Variants in MGMT observed in about 807,000 individuals in gnomAD.
The protein encoded by MGMT is O-6-methylguanine-DNA methyltransferase.
In MGMT, 14 loss-of-function variants were observed where a neutral mutation model predicts 15.9. The ratio of observed to expected loss-of-function variants is 0.88; its 90% CI spans 0.58 to 1.37. MGMT has a LOEUF of 1.37. Ranked by LOEUF, MGMT falls within the 40% of genes most tolerant of loss-of-function variation. The pLI is 0.00. For synonymous variants in MGMT, 130 were observed against 118.2 expected, an observed-to-expected ratio of 1.10 and a Z score of -0.65; for missense variants, 282 against 268.1, an observed-to-expected ratio of 1.05 and a Z score of -0.36.
At chr10:129,539,142 C>A (rs1194813099) in intron 2 of MGMT, among the ~76,000 whole-genome samples, 1 of 151,910 alleles carries the variant, frequency 6.6e-6, no homozygotes, top group Non-Finnish European at 1.5e-5. Flanking sequence ...CTTTTTTTCC[C>A]TTTATGTTTA....
chr10:129,496,343 A>G (rs765793083), intron 1 of MGMT, among the ~76,000 whole-genome samples: 5 of 152,150 alleles, frequency 3.3e-5, no homozygotes, highest in Non-Finnish European at 5.9e-5. Flanking sequence ...TCCAATAACA[A>G]TAAGTACATC....
At chr10:129,654,775 C>T (rs371637669) in intron 2 of MGMT, among the ~76,000 whole-genome samples, 2 of 152,220 alleles carry the variant, frequency 1.3e-5, no homozygotes, top group African/African-American at 4.8e-5. Flanking sequence ...CTGCCCATAC[C>T]TCTACCTTAG....
intron 2 of MGMT, among the ~76,000 whole-genome samples, chr10:129,696,856 A>G (rs1848038556): frequency 6.6e-6 from 1 of 152,222 alleles, no homozygotes; most frequent in African/African-American, 2.4e-5. Flanking sequence ...TCACCTGTGC[A>G]TTCGTCAAGC....
chr10:129,626,641 C>CCCA lies in MGMT; in HGVS notation c.126-81254_126-81253insCCA, dbSNP rs1213828221. On this transcript the variant is annotated intron_variant, in intron 2 of 4. Transcript: ENST00000651593. ...GCTGTTCTGCATGCCCAGGGCCGTG[C>CCCA]TCTCCGTGGAAATCTATGTTGGAGA... Among the ~76,000 whole-genome samples, 14 of 152,286 alleles carry CCCA rather than the reference C, an allele frequency of 9.2e-5. No individual in the cohort carries two copies. In the East Asian group the frequency reaches 2.5e-3, roughly 27 times the overall value.
chr10:129,606,286 C>T (rs902516467), intron 2 of MGMT, among the ~76,000 whole-genome samples: 10 of 152,212 alleles, frequency 6.6e-5, no homozygotes, highest in African/African-American at 2.2e-4. Context: ...TCTGGCGCTC[C>T]GTTCCTGTTT....
intron 2 of MGMT, among the ~76,000 whole-genome samples, chr10:129,554,448 C>CT (rs1564850641): frequency 6.6e-6 from 1 of 152,034 alleles, no homozygotes; most frequent in Non-Finnish European, 1.5e-5. Flanking sequence ...AAGGTCTGTG[C>CT]TTGGTTCTTT....
intron 2 of MGMT, among the ~76,000 whole-genome samples, chr10:129,574,642 G>A (rs928938750): frequency 3.9e-5 from 6 of 152,306 alleles, no homozygotes; most frequent in African/African-American, 1.4e-4. Context: ...GTCACCAGAA[G>A]TAGGTTGTCC....
chr10:129,673,669 G>C (rs1265127583), intron 2 of MGMT, among the ~76,000 whole-genome samples: 1 of 151,996 alleles, frequency 6.6e-6, no homozygotes, highest in Non-Finnish European at 1.5e-5. Flanking sequence ...AAGTTCTCCT[G>C]GTCTGGATCT....
At chr10:129,542,041 G>C (rs1178096457) in intron 2 of MGMT, among the ~76,000 whole-genome samples, 2 of 152,200 alleles carry the variant, frequency 1.3e-5, no homozygotes, top group Non-Finnish European at 2.9e-5. Context: ...CCGGGCCTCT[G>C]TGTTGAACCT....
intron 2 of MGMT, among the ~76,000 whole-genome samples, chr10:129,644,306 A>T (rs1023374622): frequency 6.6e-6 from 1 of 152,206 alleles, no homozygotes; most frequent in African/African-American, 2.4e-5. Flanking sequence ...GTGAGGCCAC[A>T]CAATTTAAAA....
At position 129,768,833 on chromosome 10, in the gene MGMT, A is replaced by AC. The variant is rs1848968251; in HGVS notation, c.*1839dup. The AC allele has an allele frequency of 6.6e-6, 1 of 152,200 alleles. No homozygotes were observed. 9.4% of individuals were successfully genotyped at this position (152,200 alleles called of 1,614,324 possible). On this transcript the variant is annotated 3_prime_UTR_variant, in exon 5 of 5. Transcript: ENST00000651593. ...CCGATGGCTCCCTGTGCTCCCTGAG[A>AC]CCCTACAGGCCGCCCTCTGCAGCCA...
At chr10:129,731,829 T>C (rs1368544315) in intron 3 of MGMT, among the ~76,000 whole-genome samples, 1 of 152,226 alleles carries the variant, frequency 6.6e-6, no homozygotes, top group African/African-American at 2.4e-5. Flanking sequence ...TTGTCCATTT[T>C]TGCAGAATGG....
Position 129,768,384 on chromosome 10 carries a change from C to T in MGMT, c.*1387C>T, listed in dbSNP as rs973829059. Among the ~76,000 whole-genome samples the T allele has an allele frequency of 2.0e-5, 3 of 152,370 alleles. No homozygotes were observed. The highest frequency in any genetic ancestry group is 3.4e-3 in the Middle Eastern group (1 of 294). On this transcript the variant is annotated 3_prime_UTR_variant, in exon 5 of 5. Coordinates refer to ENST00000651593, the MANE Select transcript of MGMT (RefSeq NM_002412.5). ...TTTTGAAGCAGGATAAGTCACACAGCGGGTCACGTAGACACGTGCTGTTTT... is the reference window on the plus strand; with the variant it reads ...TTTTGAAGCAGGATAAGTCACACAGTGGGTCACGTAGACACGTGCTGTTTT...
chr10:129,486,110 T>G (rs1330534921), intron 1 of MGMT, among the ~76,000 whole-genome samples: 1 of 152,016 alleles, frequency 6.6e-6, no homozygotes, highest in Non-Finnish European at 1.5e-5. Flanking sequence ...CTAATTTACC[T>G]TCTAAATTTA....
At chr10:129,561,129 T>G (rs1846273315) in intron 2 of MGMT, among the ~76,000 whole-genome samples, 1 of 152,186 alleles carries the variant, frequency 6.6e-6, no homozygotes, top group South Asian at 2.1e-4. Flanking sequence ...GCCTAGTGAT[T>G]TTAAAGATTC....
At chr10:129,479,559 G>C (rs1845332751) in intron 1 of MGMT, among the ~76,000 whole-genome samples, 1 of 152,186 alleles carries the variant, frequency 6.6e-6, no homozygotes, top group African/African-American at 2.4e-5. Flanking sequence ...GTCTCCCAAA[G>C]AGAATCAGTC....
chr10:129,653,534 G>A (rs1847486788), intron 2 of MGMT, among the ~76,000 whole-genome samples: 1 of 152,246 alleles, frequency 6.6e-6, no homozygotes, highest in Non-Finnish European at 1.5e-5. Flanking sequence ...GCCCGTGTGG[G>A]AGGGGTAACG....
intron 2 of MGMT, among the ~76,000 whole-genome samples, chr10:129,691,211 G>A (rs550153585): frequency 6.6e-6 from 1 of 152,338 alleles, no homozygotes; most frequent in African/African-American, 2.4e-5. Flanking sequence ...ATCTGGATAG[G>A]CAGCTGCATG....
At position 129,659,518 on chromosome 10, in the gene MGMT, A is replaced by G. The variant is rs149934733; in HGVS notation, c.126-48377A>G. Among the ~76,000 whole-genome samples the G allele has an allele frequency of 2.4e-3, 368 of 152,278 alleles. 1 individual carries two copies. Among genetic ancestry groups the G allele is most frequent in the Non-Finnish European group, 4.2e-3 (286 of 68,002 alleles). On this transcript the variant is annotated intron_variant, in intron 2 of 4. Coordinates refer to ENST00000651593, the MANE Select transcript of MGMT (RefSeq NM_002412.5). This position sits in a 1 kb window ranked among gnomAD's most constrained non-coding sequence, Gnocchi z 4.1. ...AGAACACAGGCCATTGTACCTGCTCATGAGAACAGAAGTGAAAGTCACACA... is the reference window on the plus strand; with the variant it reads ...AGAACACAGGCCATTGTACCTGCTCGTGAGAACAGAAGTGAAAGTCACACA...
Sources: allele counts gnomAD v4.1 joint callset (sites outside exome capture counted in the v4.1 genomes callset), GRCh38; gene constraint gnomAD v4.1.1; non-coding constraint Gnocchi (gnomAD v3.1); transcripts MANE v1.5; gene names NCBI Gene and HGNC (gene_info 2026-07-23, HGNC 2026-07-21).